Variants in LRRC37A2 observed in about 807,000 individuals in gnomAD.
The protein encoded by LRRC37A2 is leucine rich repeat containing 37 member A2, also known as leucine-rich repeat-containing protein 37A2.
LRRC37A2 carries 9 observed loss-of-function variants against 68.8 expected under a neutral mutation model. The observed-to-expected ratio is 0.13, with a 90% confidence interval of 0.08 to 0.23. LRRC37A2 has a LOEUF of 0.23. Ranked by LOEUF, LRRC37A2 falls within the 10% of genes least tolerant of loss-of-function variation. LRRC37A2 has a pLI of 1.00. For synonymous variants in LRRC37A2, 63 were observed against 367.6 expected (o/e 0.17, Z 9.48); for missense variants, 168 against 950.4 (o/e 0.18, Z 10.82).
At chr17:46,830,283 G>A in the LRRC37A2 span, among the ~76,000 whole-genome samples, 4 of 151,998 alleles carry the variant, frequency 2.6e-5, no homozygotes, top group Non-Finnish European at 5.9e-5. Context: ...ATGAGGTCTC[G>A]CTCTGTCGCC....
At chr17:46,585,598 C>T in the LRRC37A2 span, among the ~76,000 whole-genome samples, 1 of 30,446 alleles carries the variant, frequency 3.3e-5, no homozygotes, top group African/African-American at 1.1e-4. Flanking sequence ...CAGGGTTAGG[C>T]AGCCTGGCAA....
At chr17:46,872,460 T>C in the LRRC37A2 span, 3 of 1,434,416 alleles carry the variant, frequency 2.1e-6, no homozygotes, top group South Asian at 4.9e-5. Context: ...TTCCCTTCAT[T>C]TGCCCCTCAC....
the LRRC37A2 span, among the ~76,000 whole-genome samples, chr17:46,888,356 G>T: frequency 6.6e-6 from 1 of 152,192 alleles, no homozygotes; most frequent in Admixed American, 6.5e-5. Context: ...CCCAGAAAGT[G>T]CCTGGCACAC....
the LRRC37A2 span, among the ~76,000 whole-genome samples, chr17:46,588,806 GA>G: frequency 8.3e-6 from 1 of 120,904 alleles, no homozygotes; most frequent in African/African-American, 4.2e-5. Context: ...AGCACTTTGG[GA>G]GGACAAGGCC....
At chr17:46,832,263 A>AC in the LRRC37A2 span, among the ~76,000 whole-genome samples, 1 of 151,642 alleles carries the variant, frequency 6.6e-6, no homozygotes, top group African/African-American at 2.4e-5. Context: ...GGGGGCCTTG[A>AC]CCCCTCGGAG....
chr17:47,024,798 A>G, the LRRC37A2 span: 1 of 695,360 alleles, frequency 1.4e-6, no homozygotes, highest in Non-Finnish European at 2.6e-6. Context: ...TATTATCTGT[A>G]CAATGAATAA....
chr17:46,785,738 A>G, the LRRC37A2 span, among the ~76,000 whole-genome samples: 1 of 152,088 alleles, frequency 6.6e-6, no homozygotes, highest in African/African-American at 2.4e-5. Flanking sequence ...CAGGAGCTCA[A>G]AGCCAAGGGT....
the LRRC37A2 span, chr17:47,035,247 C>T: frequency 3.7e-4 from 57 of 152,224 alleles, 1 homozygote; most frequent in Admixed American, 1.6e-3. Flanking sequence ...GTATAGCAAA[C>T]AATCACCATT....
the LRRC37A2 span, among the ~76,000 whole-genome samples, chr17:46,975,758 A>C: frequency 1.3e-5 from 2 of 152,144 alleles, no homozygotes; most frequent in African/African-American, 4.8e-5. Flanking sequence ...GTTAGTACAC[A>C]CGCGTCTTCA....
the LRRC37A2 span, chr17:46,934,914 C>T: frequency 1.1e-6 from 1 of 929,372 alleles, no homozygotes; most frequent in Non-Finnish European, 1.8e-6. Context: ...TCCGCTGATT[C>T]TTTCACCAGC....
At chr17:47,039,973 G>C in the LRRC37A2 span, among the ~76,000 whole-genome samples, 1 of 151,646 alleles carries the variant, frequency 6.6e-6, no homozygotes, top group Admixed American at 6.6e-5. Flanking sequence ...TTCCATTTCA[G>C]TTACCATACT....
chr17:47,002,107 G>A, the LRRC37A2 span, among the ~76,000 whole-genome samples: 1 of 152,086 alleles, frequency 6.6e-6, no homozygotes, highest in African/African-American at 2.4e-5. Context: ...GAATCATACA[G>A]TGTGTATTTT....
the LRRC37A2 span, among the ~76,000 whole-genome samples, chr17:46,722,652 A>G: frequency 4.6e-5 from 7 of 152,308 alleles, 1 homozygote; most frequent in South Asian, 1.5e-3. Context: ...GAAAGGGACT[A>G]AGGGACTGAG....
At chr17:46,764,476 A>AGTTG in the LRRC37A2 span, 2 of 152,372 alleles carry the variant, frequency 1.3e-5, no homozygotes, top group African/African-American at 4.8e-5. Flanking sequence ...TCCACAGGCG[A>AGTTG]GTTGGGTCTG....
chr17:46,710,150 A>G, the LRRC37A2 span, among the ~76,000 whole-genome samples: 1 of 152,318 alleles, frequency 6.6e-6, no homozygotes, highest in South Asian at 2.1e-4. Context: ...AATTCTCAAG[A>G]TACATGATCT....
At chr17:47,019,862 G>A in the LRRC37A2 span, 40 of 1,004,930 alleles carry the variant, frequency 4.0e-5, 2 homozygotes, top group South Asian at 4.8e-4. Flanking sequence ...CCTTTTCCTG[G>A]AGGCCTTCCT....
chr17:47,035,203 A>T, the LRRC37A2 span: 1 of 152,250 alleles, frequency 6.6e-6, no homozygotes, highest in African/African-American at 2.4e-5. Flanking sequence ...TATAAAGTGT[A>T]CAATTCAGTG....
the LRRC37A2 span, among the ~76,000 whole-genome samples, chr17:46,500,493 T>C: frequency 6.7e-6 from 1 of 149,814 alleles, no homozygotes; most frequent in Non-Finnish European, 1.5e-5. Context: ...TACCAGATGA[T>C]TTTTGTGGCA....
the LRRC37A2 span, among the ~76,000 whole-genome samples, chr17:46,895,609 T>C: frequency 1.3e-5 from 2 of 152,336 alleles, no homozygotes; most frequent in South Asian, 2.1e-4. Context: ...TACCCTGCCA[T>C]GCAGAGGTTC....
Sources: gnomAD v4.1 joint callset for allele counts (sites outside exome capture counted in the v4.1 genomes callset) on GRCh38, gnomAD v4.1.1 for gene constraint, MANE v1.5 for transcripts, NCBI Gene and HGNC (gene_info 2026-07-23, HGNC 2026-07-21) for gene names.